The following GPC6 variants were observed in gnomAD, a reference collection of about 807,000 sequenced individuals.
GPC6 encodes the protein glypican 6, also known as glypican-6.
GPC6 carries 14 observed loss-of-function variants against 55.2 expected under a neutral mutation model. The observed-to-expected ratio is 0.25, with a 90% CI of 0.17 to 0.40. The LOEUF is 0.40. GPC6 is among the 10% of genes least tolerant of loss of function. GPC6 has a pLI of 1.00. For missense variants in GPC6, 641 were observed against 708.5 expected (o/e 0.90, Z 1.08); for synonymous variants, 278 against 259.6 (o/e 1.07, Z -0.68).
In GPC6 at chr13:94,071,103, G is replaced by T. The variant is rs181799906; in HGVS notation, c.877+43209G>T. Among the ~76,000 whole-genome samples the T allele has an allele frequency of 9.2e-5, 14 of 152,204 alleles. No homozygotes were observed. In the East Asian group the frequency reaches 2.7e-3, roughly 29 times the overall value. On this transcript the variant is annotated intron_variant, in intron 4 of 8. Coordinates refer to ENST00000377047, the MANE Select transcript of GPC6 (RefSeq NM_005708.5). The stretch of plus-strand genomic sequence containing the variant: ...AATTTCATTCTGATACACATGCCTG[G>T]CATGTGCCATCTTGACCTTAAAAGG...
chr13:93,629,785 A>T (rs144359716), intron 2 of GPC6, among the ~76,000 whole-genome samples: 1 of 152,334 alleles, frequency 6.6e-6, no homozygotes, highest in East Asian at 1.9e-4. Flanking sequence ...TAAAACAATA[A>T]ACCACAAATT....
At chr13:93,718,655 G>C (rs2138819256) in intron 2 of GPC6, among the ~76,000 whole-genome samples, 1 of 152,010 alleles carries the variant, frequency 6.6e-6, no homozygotes, top group Admixed American at 6.6e-5. Context: ...ATTGCTCTTG[G>C]TGTTTTAGGC....
chr13:93,295,256 A>G (rs1212945747), intron 1 of GPC6, among the ~76,000 whole-genome samples: 2 of 145,786 alleles, frequency 1.4e-5, no homozygotes, highest in African/African-American at 5.1e-5. Flanking sequence ...GTGCCATTGC[A>G]CAGAAGCTGG....
chr13:94,215,543 A>G (rs147959311), intron 4 of GPC6, among the ~76,000 whole-genome samples: 170 of 152,348 alleles, frequency 1.1e-3, no homozygotes, highest in African/African-American at 3.1e-3. Context: ...GCACAATAGC[A>G]TAGTTTACAC....
chr13:93,967,473 G>T (rs552291448), intron 3 of GPC6, among the ~76,000 whole-genome samples: 2 of 152,076 alleles, frequency 1.3e-5, no homozygotes, highest in Admixed American at 1.3e-4. Context: ...GCTCATATTT[G>T]CTTAAAAAGA....
In GPC6 at chr13:93,867,188, G is replaced by A. The variant is rs138474297; in HGVS notation, c.711+36643G>A. ...ATGAAACAAGGTTGCTTATATTATGGTGAAATGTCTTTGGACAACAGTGTT... is the reference window on the plus strand; with the variant it reads ...ATGAAACAAGGTTGCTTATATTATGATGAAATGTCTTTGGACAACAGTGTT... On this transcript the variant is annotated intron_variant, in intron 3 of 8. Coordinates refer to ENST00000377047, the MANE Select transcript of GPC6 (RefSeq NM_005708.5). Among the ~76,000 whole-genome samples the A allele has an allele frequency of 2.1e-3, 323 of 151,778 alleles. 2 individuals carry two copies. Among genetic ancestry groups the A allele is most frequent in the African/African-American group, 7.2e-3 (298 of 41,462 alleles).
At chr13:93,739,243 A>T (rs1219021979) in intron 2 of GPC6, among the ~76,000 whole-genome samples, 2 of 152,128 alleles carry the variant, frequency 1.3e-5, no homozygotes, top group Non-Finnish European at 2.9e-5. Context: ...ACAATAGATA[A>T]GAGAAGAAAA....
chr13:94,265,608 A>G (rs561606943), intron 4 of GPC6, among the ~76,000 whole-genome samples: 2 of 152,328 alleles, frequency 1.3e-5, no homozygotes, highest in Admixed American at 6.5e-5. Flanking sequence ...ATTGACACTC[A>G]GTATTAACCA....
intron 2 of GPC6, among the ~76,000 whole-genome samples, chr13:93,710,695 C>A (rs1451412827): frequency 6.8e-6 from 1 of 147,836 alleles, no homozygotes; most frequent in African/African-American, 2.6e-5. Flanking sequence ...AAGTCCCCCC[C>A]CCCAAAAAAA....
chr13:93,738,821 A>G (rs1303323055), intron 2 of GPC6, among the ~76,000 whole-genome samples: 1 of 152,268 alleles, frequency 6.6e-6, no homozygotes, highest in East Asian at 1.9e-4. Context: ...CCTATCTGCC[A>G]CTGTAAAGTT....
rs1249519375 is a variant in GPC6, at chr13:93,958,648, T to C, written c.712-69081T>C. 2.6e-5 allele frequency among the ~76,000 whole-genome samples: 4 copies of C among 152,204 alleles called. No individual in the cohort carries two copies. The East Asian group carries it at 7.7e-4, about 29-fold the overall frequency. On this transcript the variant is annotated intron_variant, in intron 3 of 8. Transcript: ENST00000377047. ...TAGTGTGGTGCCTCTGGCTTTGTTC[T>C]TTTTGCTTGGGGTTGCTTTGGCTAT...
At chr13:94,120,609 T>C (rs913773836) in intron 4 of GPC6, among the ~76,000 whole-genome samples, 1 of 152,070 alleles carries the variant, frequency 6.6e-6, no homozygotes, top group Non-Finnish European at 1.5e-5. Context: ...TGAGAAAACA[T>C]TCTGTTTTGC....
At chr13:93,930,109 T>C (rs887473644) in intron 3 of GPC6, among the ~76,000 whole-genome samples, 1 of 152,008 alleles carries the variant, frequency 6.6e-6, no homozygotes, top group Non-Finnish European at 1.5e-5. Flanking sequence ...AGAGATTCTA[T>C]TCTAATTCAT....
At chr13:94,010,203 G>A (rs571259517) in intron 3 of GPC6, among the ~76,000 whole-genome samples, 2 of 152,088 alleles carry the variant, frequency 1.3e-5, no homozygotes, top group African/African-American at 4.8e-5. Flanking sequence ...AAAAGTAAAT[G>A]CCAATAAAAA....
rs1175344253 is a variant in GPC6 at position 94,070,940 on chromosome 13, G to A, written c.877+43046G>A. Reference sequence around the variant, plus strand: ...AAATCTAAAAACAGAATTGGTGTTTGGTTTAATTGATCCAGTAGAATAATT... The same window carrying A: ...AAATCTAAAAACAGAATTGGTGTTTAGTTTAATTGATCCAGTAGAATAATT... On this transcript the variant is annotated intron_variant, in intron 4 of 8. Coordinates refer to ENST00000377047, the MANE Select transcript of GPC6 (RefSeq NM_005708.5). Among the ~76,000 whole-genome samples the A allele has an allele frequency of 2.5e-4, 38 of 152,174 alleles. 1 individual carries two copies. The highest frequency in any genetic ancestry group is 2.5e-3 in the Admixed American group (38 of 15,288).
chr13:93,736,098 GA>G (rs1275119981), intron 2 of GPC6, among the ~76,000 whole-genome samples: 2 of 152,162 alleles, frequency 1.3e-5, no homozygotes, highest in African/African-American at 4.8e-5. Flanking sequence ...TTTGGCTCTA[GA>G]AGAGTTTATC....
chr13:93,522,306 A>G (rs1156268207), intron 1 of GPC6, among the ~76,000 whole-genome samples: 4 of 151,992 alleles, frequency 2.6e-5, no homozygotes, highest in Non-Finnish European at 5.9e-5. Context: ...TTAGCTTCCA[A>G]TCTCACCCCA....
At chr13:94,233,163 A>G (rs1373910869) in intron 4 of GPC6, among the ~76,000 whole-genome samples, 1 of 151,922 alleles carries the variant, frequency 6.6e-6, no homozygotes, top group African/African-American at 2.4e-5. Flanking sequence ...AAAATATGAG[A>G]AATTGCATCA....
chr13:93,801,509 T>C (rs971522548), intron 2 of GPC6, among the ~76,000 whole-genome samples: 4 of 152,154 alleles, frequency 2.6e-5, no homozygotes, highest in Non-Finnish European at 5.9e-5. Flanking sequence ...TAGGATATGC[T>C]TTGTCCTGCT....
Sources: gnomAD v4.1 joint callset for allele counts (sites outside exome capture counted in the v4.1 genomes callset) on GRCh38, gnomAD v4.1.1 for gene constraint, MANE v1.5 for transcripts, NCBI Gene and HGNC (gene_info 2026-07-23, HGNC 2026-07-21) for gene names.